ACMSD: variants seen among roughly 807,000 people sequenced by gnomAD.
The protein encoded by ACMSD is 2-amino-3-carboxymuconate-6-semialdehyde decarboxylase.
Under a neutral mutation model 45.9 loss-of-function variants are expected in ACMSD, and 37 were observed. That is an observed-to-expected ratio of 0.81 (90% confidence interval 0.62 to 1.06). ACMSD has a LOEUF of 1.06. Among genes scored for constraint, ACMSD ranks in the 50% least tolerant of loss-of-function variants. The pLI is 0.00. For synonymous variants in ACMSD, 138 were observed against 148.8 expected (o/e 0.93, Z 0.53); for missense variants, 434 against 420.9 (o/e 1.03, Z -0.27).
At chr2:134,874,153 A>T (rs1212530035) in intron 8 of ACMSD, among the ~76,000 whole-genome samples, 1 of 152,204 alleles carries the variant, frequency 6.6e-6, no homozygotes, top group East Asian at 1.9e-4. Flanking sequence ...TAACCAGTGG[A>T]TGGACTAGTT....
At chr2:134,843,886 T>A (rs1235723898) in intron 1 of ACMSD, among the ~76,000 whole-genome samples, 1 of 152,158 alleles carries the variant, frequency 6.6e-6, no homozygotes, top group Non-Finnish European at 1.5e-5. Context: ...AGGTGTTAGG[T>A]CAGCTCCCTC....
chr2:134,855,826 T>C (rs1180091931), intron 2 of ACMSD, among the ~76,000 whole-genome samples: 1 of 151,984 alleles, frequency 6.6e-6, no homozygotes, highest in Non-Finnish European at 1.5e-5. Flanking sequence ...GGAGATGGAG[T>C]AGAAGGATGT....
intron 8 of ACMSD, among the ~76,000 whole-genome samples, chr2:134,889,041 G>A (rs992504737): frequency 1.3e-5 from 2 of 152,160 alleles, no homozygotes; most frequent in Non-Finnish European, 2.9e-5. Context: ...TAGTAGATTT[G>A]CTTTTTGCAG....
chr2:134,882,351 G>T (rs902395677), intron 8 of ACMSD, among the ~76,000 whole-genome samples: 1 of 152,128 alleles, frequency 6.6e-6, no homozygotes, highest in Non-Finnish European at 1.5e-5. Context: ...CTACTAGTTA[G>T]GTGGTGACCA....
chr2:134,874,316 T>A (rs1362868711), intron 8 of ACMSD, among the ~76,000 whole-genome samples: 1 of 152,258 alleles, frequency 6.6e-6, no homozygotes, highest in Non-Finnish European at 1.5e-5. Context: ...CCTTATTTTA[T>A]GTGATCTCAC....
rs148722570 is a variant in ACMSD at position 134,863,493 on chromosome 2, G to A, written c.348G>A (p.Thr116=). The stretch of plus-strand genomic sequence containing the variant: ...CCAGGAGGTTCGTGGGTCTGGGGAC[G>A]TTGCCCATGCAGGCCCCTGAGCTGG... ...SYPRRFVGLG[T]LPMQAPELAV... is the part of the protein sequence containing the mutation. Residue 116 remains threonine, a synonymous_variant, in exon 5 of 10, where the codon ACG becomes ACA. Transcript: ENST00000356140. 99 of 1,614,230 alleles carry A rather than the reference G, an allele frequency of 6.1e-5. 2 individuals are homozygous for A. The Middle Eastern group carries it at 1.2e-3, about 19-fold the overall frequency.
At chr2:134,857,449 T>C (rs1391796203) in intron 2 of ACMSD, among the ~76,000 whole-genome samples, 1 of 152,028 alleles carries the variant, frequency 6.6e-6, no homozygotes, top group Non-Finnish European at 1.5e-5. Flanking sequence ...TCTCGAGAAA[T>C]AAATAAATAA....
intron 9 of ACMSD, among the ~76,000 whole-genome samples, chr2:134,899,581 G>A (rs1331960748): frequency 6.6e-6 from 1 of 151,828 alleles, no homozygotes; most frequent in Non-Finnish European, 1.5e-5. Flanking sequence ...AAACTTAATG[G>A]AATAATAGTA....
intron 3 of ACMSD, among the ~76,000 whole-genome samples, chr2:134,860,207 G>A (rs1309915824): frequency 6.6e-6 from 1 of 152,184 alleles, no homozygotes; most frequent in Non-Finnish European, 1.5e-5. Context: ...AGTTTGCAGT[G>A]AGCCGACATT....
At chr2:134,848,374 G>A (rs1361562292) in intron 2 of ACMSD, among the ~76,000 whole-genome samples, 1 of 152,164 alleles carries the variant, frequency 6.6e-6, no homozygotes, top group Non-Finnish European at 1.5e-5. Flanking sequence ...TACAATGGTT[G>A]AACTAACTTA....
At chr2:134,875,543 C>T (rs181036872) in intron 8 of ACMSD, among the ~76,000 whole-genome samples, 120 of 152,246 alleles carry the variant, frequency 7.9e-4, no homozygotes, top group African/African-American at 2.8e-3. Context: ...GGCTTCCTTC[C>T]ACCTCTAAAA....
Position 134,861,977 on chromosome 2 carries a change from G to C in ACMSD, c.208G>C (p.Val70Leu). The change falls in exon 4 of 10, where the codon GTG becomes CTG. Residue 70 changes from valine to leucine, a missense_variant. Coordinates refer to ENST00000356140, the MANE Select transcript of ACMSD (RefSeq NM_138326.3). ...TTTGTGTCCATGTCTAGGAGTAACA[G>C]TGCAAGCCCTTTCCACAGTTCCTGT... ...IREMDQKGVTVQALSTVPVMF... is the reference protein window; with the variant it reads ...IREMDQKGVTLQALSTVPVMF... 1.9e-6 allele frequency: 3 copies of C among 1,614,152 alleles called. No individual in the cohort carries two copies. The highest frequency in any genetic ancestry group is 2.5e-6 in the Non-Finnish European group (3 of 1,180,018).
intron 1 of ACMSD, among the ~76,000 whole-genome samples, chr2:134,840,166 G>GAAAAAAAAAAAA (rs1559034706): frequency 7.5e-4 from 9 of 12,048 alleles, no homozygotes; most frequent in African/African-American, 3.0e-3. Flanking sequence ...ACTATACCTA[G>GAAAAAAAAAAAA]CAAAAAAAAA....
intron 8 of ACMSD, among the ~76,000 whole-genome samples, chr2:134,882,774 A>C (rs936585540): frequency 6.6e-6 from 1 of 152,242 alleles, no homozygotes; most frequent in Non-Finnish European, 1.5e-5. Context: ...CTTTTCCAGA[A>C]GAAAAAATGA....
chr2:134,890,029 G>A (rs1689686882), intron 8 of ACMSD, among the ~76,000 whole-genome samples: 1 of 151,976 alleles, frequency 6.6e-6, no homozygotes, highest in East Asian at 1.9e-4. Context: ...ACAATAGTTA[G>A]AAAATTATTA....
chr2:134,863,687 A>G, intron 5 of ACMSD, 56 bp downstream of exon 5: 1 of 1,574,258 alleles, frequency 6.4e-7, no homozygotes. Flanking sequence ...GGCCGGGGGC[A>G]CCGCTGGGTG....
intron 2 of ACMSD, among the ~76,000 whole-genome samples, chr2:134,846,920 C>T (rs1687078270): frequency 6.6e-6 from 1 of 152,138 alleles, no homozygotes. Flanking sequence ...GGTCTGTGAC[C>T]TGGCAAAGGC....
At chr2:134,855,845 T>A (rs914609945) in intron 2 of ACMSD, among the ~76,000 whole-genome samples, 1 of 152,184 alleles carries the variant, frequency 6.6e-6, no homozygotes, top group African/African-American at 2.4e-5. Context: ...GTCTTGTCTA[T>A]GGAGTAGAAG....
intron 8 of ACMSD, among the ~76,000 whole-genome samples, chr2:134,891,725 C>T (rs1207850738): frequency 6.6e-6 from 1 of 152,156 alleles, no homozygotes; most frequent in East Asian, 1.9e-4. Flanking sequence ...AATCCCACTA[C>T]TGGGCATCTA....
Sources: allele counts gnomAD v4.1 joint callset (sites outside exome capture counted in the v4.1 genomes callset), GRCh38; gene constraint gnomAD v4.1.1; transcripts MANE v1.5; gene names NCBI Gene and HGNC (gene_info 2026-07-23, HGNC 2026-07-21).